The following ACTR3C variants were observed in gnomAD, a reference collection of about 807,000 sequenced individuals.
ACTR3C encodes the protein actin-related protein 3C.
ACTR3C carries 18 observed loss-of-function variants against 26.3 expected under a neutral mutation model. The ratio of observed to expected loss-of-function variants is 0.68; its 90% confidence interval spans 0.47 to 1.01. The LOEUF is 1.01. Ranked by LOEUF, ACTR3C falls within the 50% of genes least tolerant of loss-of-function variation. The pLI, the probability that ACTR3C is intolerant of heterozygous loss-of-function variation, is 0.00. For synonymous variants in ACTR3C, 55 were observed against 94.5 expected (o/e 0.58, Z 2.42); for missense variants, 184 against 250.7 (o/e 0.73, Z 1.80).
chr7:150,221,394 A>G, the ACTR3C span, among the ~76,000 whole-genome samples: 6 of 152,332 alleles, frequency 3.9e-5, no homozygotes, highest in African/African-American at 1.4e-4. Flanking sequence ...ACCAGGAAAA[A>G]TCAGTCAAAA....
chr7:150,289,427 GC>G (rs1411029431), intron 4 of ACTR3C, 22 bp downstream of exon 4: 1 of 1,561,640 alleles, frequency 6.4e-7, no homozygotes, highest in East Asian at 2.3e-5. Flanking sequence ...CCCCAAACCA[GC>G]CGGTTTCCCA....
the ACTR3C span, among the ~76,000 whole-genome samples, chr7:150,193,113 A>C: frequency 6.6e-6 from 1 of 152,156 alleles, no homozygotes; most frequent in Admixed American, 6.6e-5. Flanking sequence ...GTCAATCCTC[A>C]TATGTGGCTT....
At chr7:149,930,093 G>A in the ACTR3C span, among the ~76,000 whole-genome samples, 2 of 152,124 alleles carry the variant, frequency 1.3e-5, no homozygotes, top group Non-Finnish European at 2.9e-5. Flanking sequence ...GACAAAAAAA[G>A]GTTAAGAAAT....
the ACTR3C span, among the ~76,000 whole-genome samples, chr7:149,884,826 G>T: frequency 8.3e-3 from 1,268 of 152,286 alleles, 17 homozygotes; most frequent in African/African-American, 0.029. Context: ...ACCTGTAACA[G>T]AATAATCTGG....
the ACTR3C span, among the ~76,000 whole-genome samples, chr7:150,042,952 G>A: frequency 4.6e-5 from 7 of 150,874 alleles, no homozygotes; most frequent in Middle Eastern, 3.4e-3. Flanking sequence ...CGCTGTTGTC[G>A]GGATCCCCAT....
chr7:149,905,328 G>A, the ACTR3C span, among the ~76,000 whole-genome samples: 11 of 151,706 alleles, frequency 7.3e-5, no homozygotes, highest in East Asian at 5.8e-4. Flanking sequence ...AAATGGGAAT[G>A]CACTCTTTAA....
the ACTR3C span, among the ~76,000 whole-genome samples, chr7:150,103,230 A>T: frequency 3.9e-5 from 6 of 152,014 alleles, no homozygotes; most frequent in Admixed American, 3.3e-4. Flanking sequence ...CATGGGATGA[A>T]TGAAACTGAC....
chr7:149,964,442 T>C, the ACTR3C span, among the ~76,000 whole-genome samples: 1 of 151,906 alleles, frequency 6.6e-6, no homozygotes, highest in South Asian at 2.1e-4. Context: ...AAGAGAAGGA[T>C]AAAAAATATA....
At chr7:150,082,947 C>CTTTTT in the ACTR3C span, among the ~76,000 whole-genome samples, 7 of 108,548 alleles carry the variant, frequency 6.4e-5, 1 homozygote, top group South Asian at 3.0e-4. Context: ...TTTTTTTTTT[C>CTTTTT]TTTTTTTTTT....
chr7:149,933,487 G>C, the ACTR3C span, among the ~76,000 whole-genome samples: 3 of 152,126 alleles, frequency 2.0e-5, no homozygotes, highest in African/African-American at 4.8e-5. Context: ...GGACTATCTG[G>C]TTAAGCCAGC....
chr7:149,998,141 G>A, the ACTR3C span, among the ~76,000 whole-genome samples: 1 of 150,772 alleles, frequency 6.6e-6, no homozygotes, highest in Non-Finnish European at 1.5e-5. Context: ...GTAACATAAA[G>A]AGATGGGGCA....
At chr7:150,313,013 C>T (rs1796463254) in intron 1 of ACTR3C, among the ~76,000 whole-genome samples, 1 of 152,194 alleles carries the variant, frequency 6.6e-6, no homozygotes, top group South Asian at 2.1e-4. Context: ...CCTGCCCCAA[C>T]TGATTAATTG....
the ACTR3C span, among the ~76,000 whole-genome samples, chr7:150,209,438 G>A: frequency 1.3e-5 from 2 of 151,142 alleles, no homozygotes; most frequent in South Asian, 2.1e-4. Context: ...TAACTCAAAG[G>A]TATTTTATGT....
chr7:150,321,722 A>C (rs577460315), intron 1 of ACTR3C, among the ~76,000 whole-genome samples: 1 of 152,346 alleles, frequency 6.6e-6, no homozygotes, highest in South Asian at 2.1e-4. Flanking sequence ...CCTGGGCAAG[A>C]GAGTGAGACT....
chr7:150,180,582 G>A, the ACTR3C span, among the ~76,000 whole-genome samples: 1 of 144,302 alleles, frequency 6.9e-6, no homozygotes, highest in South Asian at 2.2e-4. Context: ...GCGCGGTCTC[G>A]GCTCACTGCA....
intron 6 of ACTR3C, among the ~76,000 whole-genome samples, chr7:150,267,340 G>C (rs954212729): frequency 2.6e-5 from 4 of 152,222 alleles, no homozygotes; most frequent in African/African-American, 9.7e-5. Flanking sequence ...CACTTTGTAG[G>C]TTTTAAACTG....
chr7:150,242,839 T>C (rs1458712403), downstream of ACTR3C, among the ~76,000 whole-genome samples: 3 of 152,268 alleles, frequency 2.0e-5, no homozygotes, highest in Non-Finnish European at 4.4e-5. Flanking sequence ...AAATACCTTT[T>C]TGTTTTGTTT....
At chr7:149,930,133 A>G in the ACTR3C span, among the ~76,000 whole-genome samples, 2 of 152,196 alleles carry the variant, frequency 1.3e-5, no homozygotes, top group Admixed American at 6.5e-5. Context: ...CTTAAAAGAC[A>G]TGACATCCAC....
chr7:149,886,060 G>C, the ACTR3C span, among the ~76,000 whole-genome samples: 96,855 of 152,150 alleles, frequency 0.64, 31,535 homozygotes, highest in African/African-American at 0.77. Context: ...CATATGAACT[G>C]AGATAATGGA....
Sources: gnomAD v4.1 joint callset for allele counts (sites outside exome capture counted in the v4.1 genomes callset) on GRCh38, gnomAD v4.1.1 for gene constraint, MANE v1.5 for transcripts, NCBI Gene and HGNC (gene_info 2026-07-23, HGNC 2026-07-21) for gene names.